MAP3K3: variants seen among roughly 807,000 people sequenced by gnomAD.
MAP3K3 encodes mitogen-activated protein kinase kinase kinase 3, also known as MAP/ERK kinase kinase 3.
In MAP3K3, 12 loss-of-function variants were observed where a neutral mutation model predicts 80.9. That is an observed-to-expected ratio of 0.15 (90% confidence interval 0.10 to 0.24). MAP3K3 has a LOEUF of 0.24. MAP3K3 is among the 10% of genes least tolerant of loss of function. MAP3K3 has a pLI of 1.00. For missense variants in MAP3K3, 596 were observed against 834.7 expected, an observed-to-expected ratio of 0.71 and a Z score of 3.52; for synonymous variants, 272 against 307.1, an observed-to-expected ratio of 0.89 and a Z score of 1.19.
chr17:63,665,365 C>T (rs972164039), intron 5 of MAP3K3, among the ~76,000 whole-genome samples: 3 of 152,026 alleles, frequency 2.0e-5, no homozygotes, highest in African/African-American at 7.2e-5. Context: ...CGGGGTTCCA[C>T]TGTGCTAGCC....
rs1327667606 is a variant in MAP3K3 at position 63,688,546 on chromosome 17, C to T, written c.730C>T (p.Arg244Ter). Residue 244 changes from arginine to a stop codon, truncating the protein, a stop_gained, in exon 9 of 16, where the codon CGA becomes TGA. Coordinates refer to ENST00000361733, the MANE Select transcript of MAP3K3 (RefSeq NM_002401.5). LOFTEE classifies it high-confidence loss of function. ...CTCCAGCCCATCCTTCCGGAAATCA[C>T]GAATGTCCCGTGCCCAGAGCTTCCC... Reference protein sequence around the residue: ...SADSPSFRKSRMSRAQSFPDN... With the variant: ...SADSPSFRKS The T allele has an allele frequency of 1.2e-6, 2 of 1,614,066 alleles. No individual in the cohort carries two copies. The highest frequency in any genetic ancestry group is 2.2e-5 in the East Asian group (1 of 44,888).
chr17:63,658,095 G>A (rs933157972), intron 5 of MAP3K3, among the ~76,000 whole-genome samples, 188 bp downstream of exon 5: 13 of 152,218 alleles, frequency 8.5e-5, no homozygotes, highest in African/African-American at 3.1e-4. Context: ...AAGCCAGATT[G>A]TCAGTGTTAA....
intron 2 of MAP3K3, among the ~76,000 whole-genome samples, chr17:63,641,511 G>T (rs2034442902): frequency 6.6e-6 from 1 of 152,084 alleles, no homozygotes; most frequent in Non-Finnish European, 1.5e-5. Context: ...AAAGTGCTGG[G>T]ATTACAAGGC....
chr17:63,692,175 G>A lies in MAP3K3; in HGVS notation c.1475-67G>A, dbSNP rs1355140163. The A allele has an allele frequency of 5.5e-5, 87 of 1,576,446 alleles. No individual in the cohort carries two copies. Among genetic ancestry groups the A allele is most frequent in the Non-Finnish European group, 7.3e-5 (84 of 1,151,248 alleles). The stretch of plus-strand genomic sequence containing the variant: ...TCTCCAGCAGCTCTCAGTGACCCGG[G>A]GGTGGGGAGGATGGGAGAAAATGCA... On this transcript the variant is annotated intron_variant, in intron 14 of 15. Coordinates refer to ENST00000361733, the MANE Select transcript of MAP3K3 (RefSeq NM_002401.5). The surrounding 1 kb of genome is among the most constrained non-coding windows in gnomAD (Gnocchi z 4.5).
chr17:63,672,283 C>CA (rs150268322), intron 6 of MAP3K3, among the ~76,000 whole-genome samples: 1,226 of 45,882 alleles, frequency 0.027, 18 homozygotes, highest in African/African-American at 0.042. Flanking sequence ...AACTCCATCT[C>CA]AAAAAAAAAA....
At chr17:63,662,035 G>A (rs1225332186) in intron 5 of MAP3K3, among the ~76,000 whole-genome samples, 11 of 152,024 alleles carry the variant, frequency 7.2e-5, no homozygotes, top group African/African-American at 2.2e-4. Context: ...CCCAGGAGGC[G>A]GAGCTTGCAG....
rs752617110 is a variant in MAP3K3 at position 63,690,332 on chromosome 17, T to C, written c.1132T>C (p.Leu378=). 9 of 1,614,186 alleles carry C rather than the reference T, an allele frequency of 5.6e-6. No homozygotes were observed. The highest frequency in any genetic ancestry group is 5.9e-6 in the Non-Finnish European group (7 of 1,180,022). The part of the protein sequence containing the change: ...LGQGAFGRVY[L]CYDVDTGREL... ...CCAGGGTGCCTTCGGCAGGGTCTAT[T>C]TGTGCTATGACGTGGACACGGGACG... Residue 378 remains leucine (L), a synonymous_variant, in exon 12 of 16, where the codon TTG becomes CTG. Transcript: ENST00000361733.
intron 8 of MAP3K3, 52 bp from the exon 9 acceptor site, chr17:63,688,475 T>C (rs1340647195): frequency 7.0e-7 from 1 of 1,426,438 alleles, no homozygotes; most frequent in African/African-American, 1.4e-5. Context: ...ACGCCCTGCT[T>C]GGTTGCTGTG....
At chr17:63,624,816 A>G (rs533458900) in intron 1 of MAP3K3, among the ~76,000 whole-genome samples, 1 of 152,336 alleles carries the variant, frequency 6.6e-6, no homozygotes, top group South Asian at 2.1e-4. Context: ...GATGACCTTG[A>G]TACACTGTTA....
At chr17:63,623,396 G>A (rs994094210) in intron 1 of MAP3K3, among the ~76,000 whole-genome samples, 1 of 152,306 alleles carries the variant, frequency 6.6e-6, no homozygotes, top group African/African-American at 2.4e-5. Flanking sequence ...GGAGTTGGTC[G>A]GATGCTGCCA....
chr17:63,631,116 C>T (rs1442952629), intron 1 of MAP3K3, among the ~76,000 whole-genome samples: 5 of 151,976 alleles, frequency 3.3e-5, no homozygotes, highest in Non-Finnish European at 7.4e-5. Context: ...GTGAAACCCT[C>T]GCTCAATAAA....
chr17:63,667,053 C>G lies in MAP3K3; in HGVS notation c.495C>G (p.Leu165=). The G allele has an allele frequency of 6.2e-7, 1 of 1,602,536 alleles. No homozygotes were observed. The highest frequency in any genetic ancestry group is 8.5e-7 in the Non-Finnish European group (1 of 1,177,070). Residue 165 remains leucine, a synonymous_variant, in exon 6 of 16, where the codon CTC becomes CTG. Coordinates refer to ENST00000361733, the MANE Select transcript of MAP3K3 (RefSeq NM_002401.5). ...CCCCCGAGCCCAGAAGCAGGCACCT[C>G]TCTGTCAGTGAGTATTTCAACCCTT... ...YQPPEPRSRH[L]SVSSQNPGRS... is the part of the protein sequence containing the mutation.
intron 6 of MAP3K3, among the ~76,000 whole-genome samples, chr17:63,675,953 C>T (rs946677897): frequency 6.6e-6 from 1 of 152,240 alleles, no homozygotes; most frequent in Non-Finnish European, 1.5e-5. Flanking sequence ...CCCTGTCTCA[C>T]TTGCTCTCAA....
chr17:63,626,674 A>C (rs2034109268), intron 1 of MAP3K3, among the ~76,000 whole-genome samples: 1 of 152,202 alleles, frequency 6.6e-6, no homozygotes, highest in Non-Finnish European at 1.5e-5. Context: ...ACTCATTGTA[A>C]AATGATGTTT....
intron 2 of MAP3K3, 130 bp from the exon 3 acceptor site, chr17:63,645,904 G>A: frequency 1.4e-6 from 1 of 697,416 alleles, no homozygotes; most frequent in Non-Finnish European, 2.7e-6. Context: ...TCTGGGAAGA[G>A]AAGCTGGACC....
intron 5 of MAP3K3, among the ~76,000 whole-genome samples, chr17:63,659,679 C>T (rs1412041802): frequency 1.3e-5 from 2 of 151,634 alleles, no homozygotes; most frequent in South Asian, 2.1e-4. Flanking sequence ...ATTACAGGTG[C>T]ACGACACCAC....
chr17:63,625,231 GTTA>G (rs1445077347), intron 1 of MAP3K3, among the ~76,000 whole-genome samples: 2 of 152,156 alleles, frequency 1.3e-5, no homozygotes, highest in East Asian at 3.9e-4. Flanking sequence ...TATATTGTCT[GTTA>G]GCCCCAATGA....
intron 7 of MAP3K3, chr17:63,682,787 A>G (rs1330662728): frequency 1.3e-5 from 2 of 152,250 alleles, no homozygotes; most frequent in African/African-American, 2.4e-5. Context: ...AAAACATCAC[A>G]TAATCATAGG....
rs988130392 is a variant in MAP3K3, at chr17:63,683,273, A to G, written c.636+1374A>G. On this transcript the variant is annotated intron_variant, in intron 7 of 15. Coordinates refer to ENST00000361733, the MANE Select transcript of MAP3K3 (RefSeq NM_002401.5). ...TCTTCCTTCTATACTCCTGCCTTCCAGATAAATTCATGTTTGGAGTAGTGA... is the reference window on the plus strand; with the variant it reads ...TCTTCCTTCTATACTCCTGCCTTCCGGATAAATTCATGTTTGGAGTAGTGA... Among the ~76,000 whole-genome samples the G allele has an allele frequency of 2.6e-5, 4 of 152,208 alleles. No individual in the cohort carries two copies. In the East Asian group the frequency reaches 7.7e-4, roughly 29 times the overall value.
Sources: gnomAD v4.1 joint callset for allele counts (sites outside exome capture counted in the v4.1 genomes callset) on GRCh38, gnomAD v4.1.1 for gene constraint, Gnocchi (gnomAD v3.1) non-coding constraint, MANE v1.5 for transcripts, NCBI Gene and HGNC (gene_info 2026-07-23, HGNC 2026-07-21) for gene names.